LRRC49: variants seen among roughly 807,000 people sequenced by gnomAD.
LRRC49 encodes the protein leucine-rich repeat-containing protein 49.
In LRRC49, 50 loss-of-function variants were observed where a neutral mutation model predicts 83.3. The observed-to-expected ratio is 0.60, with a 90% confidence interval of 0.48 to 0.76. The LOEUF is 0.76. Among genes scored for constraint, LRRC49 ranks in the 30% least tolerant of loss-of-function variants. The pLI is 0.00. For synonymous variants in LRRC49, 286 were observed against 283.3 expected (o/e 1.01, Z -0.10); for missense variants, 704 against 809.1 (o/e 0.87, Z 1.58).
intron 11 of LRRC49, 42 bp from the exon 12 acceptor site, chr15:71,008,337 G>A (rs1190983350): frequency 2.3e-5 from 27 of 1,173,416 alleles, no homozygotes; most frequent in Non-Finnish European, 2.9e-5. Context: ...TAGGTATTCT[G>A]CATGATATCT....
Position 71,030,985 on chromosome 15 carries a change from T to A in LRRC49, c.1704-6194T>A, listed in dbSNP as rs144937993. Among the ~76,000 whole-genome samples, 381 of 152,150 alleles carry A rather than the reference T, an allele frequency of 2.5e-3. 1 individual carries two copies. Among genetic ancestry groups the A allele is most frequent in the African/African-American group, 9.0e-3 (372 of 41,536 alleles). On this transcript the variant is annotated intron_variant, in intron 14 of 15. Coordinates refer to ENST00000260382, the MANE Select transcript of LRRC49 (RefSeq NM_017691.5). The stretch of plus-strand genomic sequence containing the variant: ...GCTCAAAAGAGTTTGTTATTACCCA[T>A]CTTCTGAAGCCTACTTCTGTCAAAT...
chr15:70,901,454 G>C (rs1444584195), intron 4 of LRRC49, among the ~76,000 whole-genome samples: 3 of 152,084 alleles, frequency 2.0e-5, no homozygotes, highest in Admixed American at 1.3e-4. Context: ...TACACCAAGA[G>C]TGATTATACC....
At chr15:71,025,707 G>GCA (rs145402839) in intron 14 of LRRC49, among the ~76,000 whole-genome samples, 4 of 146,868 alleles carry the variant, frequency 2.7e-5, no homozygotes, top group Non-Finnish European at 4.5e-5. Context: ...CAAATAGAAA[G>GCA]AAAAAAAAAA....
intron 6 of LRRC49, among the ~76,000 whole-genome samples, chr15:70,914,667 A>T (rs2034688981): frequency 6.6e-6 from 1 of 152,240 alleles, no homozygotes; most frequent in Non-Finnish European, 1.5e-5. Context: ...TAGGAGGTTG[A>T]GTAGGAATTT....
intron 7 of LRRC49, among the ~76,000 whole-genome samples, chr15:70,926,503 G>GT (rs1305029529): frequency 6.6e-6 from 1 of 152,140 alleles, no homozygotes; most frequent in Non-Finnish European, 1.5e-5. Context: ...GAAACTACCA[G>GT]TTTTTTTGTT....
chr15:71,026,607 G>A (rs2039181107), intron 14 of LRRC49, among the ~76,000 whole-genome samples: 1 of 152,152 alleles, frequency 6.6e-6, no homozygotes, highest in Non-Finnish European at 1.5e-5. Context: ...GCCAGCATCT[G>A]TTGTTTGTTG....
At chr15:70,886,935 A>G (rs888356828) in intron 2 of LRRC49, among the ~76,000 whole-genome samples, 3 of 152,092 alleles carry the variant, frequency 2.0e-5, no homozygotes, top group African/African-American at 7.2e-5. Context: ...AGCAAAAATT[A>G]CCTCAGCTCA....
At chr15:70,971,993 A>G (rs2141210197) in intron 9 of LRRC49, among the ~76,000 whole-genome samples, 1 of 152,124 alleles carries the variant, frequency 6.6e-6, no homozygotes, top group South Asian at 2.1e-4. Flanking sequence ...TTTAAGGTTA[A>G]TATTGTTATG....
chr15:71,012,766 G>A (rs777703468), intron 13 of LRRC49, 38 bp from the exon 14 acceptor site: 2 of 1,096,240 alleles, frequency 1.8e-6, no homozygotes, highest in Non-Finnish European at 2.8e-6. Flanking sequence ...CTAAGAGTTG[G>A]TGTCATTTTT....
chr15:71,028,661 G>A (rs1353932793), intron 14 of LRRC49, among the ~76,000 whole-genome samples: 1 of 152,116 alleles, frequency 6.6e-6, no homozygotes, highest in Non-Finnish European at 1.5e-5. Context: ...CTTCTTCCTG[G>A]TTTAGTCTTG....
chr15:70,963,831 A>T lies in LRRC49; in HGVS notation c.820A>T (p.Ile274Phe). The change falls in exon 9 of 16, where the codon ATC (isoleucine) becomes TTC (phenylalanine). Residue 274 changes from isoleucine (I) to phenylalanine (F), a missense_variant. Ile to Phe is a conservative substitution (Grantham distance 21). Around this residue, in one of 3 missense-constraint regions of LRRC49, gnomAD observed 261 missense variants for 330.5 expected, o/e 0.79. Coordinates refer to ENST00000260382, the MANE Select transcript of LRRC49 (RefSeq NM_017691.5). ...TGCTGACTCTTCTTCCCTCTCGGACATCACCTTTGATGGCAATCCCATAGC... is the reference window on the plus strand; with the variant it reads ...TGCTGACTCTTCTTCCCTCTCGGACTTCACCTTTGATGGCAATCCCATAGC... Reference protein sequence around the residue: ...CLADSSSLSDITFDGNPIAQE... With the variant: ...CLADSSSLSDFTFDGNPIAQE... The T allele has an allele frequency of 2.5e-6, 4 of 1,613,720 alleles. No individual in the cohort carries two copies. Among genetic ancestry groups the T allele is most frequent in the Non-Finnish European group, 3.4e-6 (4 of 1,179,708 alleles).
At chr15:70,948,211 C>T (rs1415578271) in intron 8 of LRRC49, among the ~76,000 whole-genome samples, 1 of 151,876 alleles carries the variant, frequency 6.6e-6, no homozygotes. Context: ...CTTCCTTATT[C>T]CACAGCATGG....
chr15:70,882,122 C>T (rs1482323804), intron 2 of LRRC49: 4 of 203,728 alleles, frequency 2.0e-5, no homozygotes, highest in Non-Finnish European at 3.0e-5. Context: ...CCTGTAGGAG[C>T]GTTGCTTCTG....
chr15:70,969,959 AC>A (rs1213589285), intron 9 of LRRC49, among the ~76,000 whole-genome samples: 3 of 152,090 alleles, frequency 2.0e-5, no homozygotes, highest in South Asian at 4.1e-4. Flanking sequence ...CTATCTGAAT[AC>A]CCTTTATTTC....
upstream of LRRC49, chr15:70,892,497 G>C: frequency 5.9e-6 from 9 of 1,527,030 alleles, no homozygotes; most frequent in Non-Finnish European, 7.9e-6. Flanking sequence ...TGCTCCCCAG[G>C]AGCCAGTGGA....
chr15:70,988,960 T>A (rs1346920485), intron 11 of LRRC49, among the ~76,000 whole-genome samples: 1 of 152,246 alleles, frequency 6.6e-6, no homozygotes, highest in Non-Finnish European at 1.5e-5. Context: ...TGTTGAATAT[T>A]GACCCCCACT....
chr15:70,859,748 G>A (rs1157392673), intron 1 of LRRC49: 14 of 715,302 alleles, frequency 2.0e-5, no homozygotes, highest in Admixed American at 5.3e-5. Context: ...GGAGCTGGCC[G>A]TTAAGGATGC....
At chr15:71,024,289 A>T (rs1002781327) in intron 14 of LRRC49, among the ~76,000 whole-genome samples, 1 of 152,224 alleles carries the variant, frequency 6.6e-6, no homozygotes, top group African/African-American at 2.4e-5. Flanking sequence ...GCTGGATCCC[A>T]TGCCTCCTGA....
chr15:70,940,360 C>T (rs2035767164), intron 8 of LRRC49, among the ~76,000 whole-genome samples: 1 of 149,726 alleles, frequency 6.7e-6, no homozygotes, highest in Non-Finnish European at 1.5e-5. Context: ...GGGTTCATGG[C>T]ATTCTCCTGC....
Sources: gnomAD v4.1 joint callset for allele counts (sites outside exome capture counted in the v4.1 genomes callset) on GRCh38, gnomAD v4.1.1 for gene constraint, gnomAD v4.1.1 regional missense constraint, MANE v1.5 for transcripts, NCBI Gene and HGNC (gene_info 2026-07-23, HGNC 2026-07-21) for gene names.